The following XKR9 variants were observed in gnomAD, a reference collection of about 807,000 sequenced individuals.
XKR9 encodes XK related 9.
A neutral mutation model predicts 32.0 loss-of-function variants in XKR9; 32 were observed. The observed-to-expected ratio is 1.00, with a 90% confidence interval of 0.76 to 1.34. XKR9 has a LOEUF of 1.34. Ranked by LOEUF, XKR9 falls within the 40% of genes most tolerant of loss-of-function variation. The pLI, the probability that XKR9 is intolerant of heterozygous loss-of-function variation, is 0.00. For synonymous variants in XKR9, 168 were observed against 143.4 expected, an observed-to-expected ratio of 1.17 and a Z score of -1.22; for missense variants, 546 against 429.7, an observed-to-expected ratio of 1.27 and a Z score of -2.39.
At chr8:71,034,538 C>T in the XKR9 span, among the ~76,000 whole-genome samples, 1 of 152,180 alleles carries the variant, frequency 6.6e-6, no homozygotes, top group Non-Finnish European at 1.5e-5. Context: ...GCTTGGAGTC[C>T]TGAATTGTCA....
At chr8:70,998,494 G>T in the XKR9 span, among the ~76,000 whole-genome samples, 1 of 152,192 alleles carries the variant, frequency 6.6e-6, no homozygotes, top group African/African-American at 2.4e-5. Context: ...GTACTTCCCT[G>T]CAGAGCTTAA....
chr8:70,732,129 T>A (rs1174893741), intron 4 of XKR9, among the ~76,000 whole-genome samples: 3 of 151,894 alleles, frequency 2.0e-5, no homozygotes, highest in Non-Finnish European at 2.9e-5. Context: ...TGAACTGAGA[T>A]AGACACCCCA....
the XKR9 span, among the ~76,000 whole-genome samples, chr8:70,852,002 C>A: frequency 6.6e-6 from 1 of 152,164 alleles, no homozygotes; most frequent in African/African-American, 2.4e-5. Context: ...AGGCAATCTA[C>A]AGAATGTGGG....
chr8:70,905,109 T>C, the XKR9 span, among the ~76,000 whole-genome samples: 153 of 152,304 alleles, frequency 1.0e-3, 1 homozygote, highest in African/African-American at 3.4e-3. Context: ...TTGGAGTTGC[T>C]CTTCTGGAGG....
Position 70,781,422 on chromosome 8 carries a change from G to T in XKR9, n.353-7917G>T, listed in dbSNP as rs139395254. On this transcript the variant is annotated intron_variant and non_coding_transcript_variant, in intron 2 of 3. Transcript: ENST00000520273. ...TATTTTTAGTTGACATGTAATAATT[G>T]TATATATTTATGGGATACAGGGTGA... is the stretch of plus-strand genomic sequence containing the variant. Among the ~76,000 whole-genome samples, 89 of 150,998 alleles carry T rather than the reference G, an allele frequency of 5.9e-4. No homozygotes were observed. In the East Asian group the frequency reaches 0.016, roughly 27 times the overall value.
the XKR9 span, among the ~76,000 whole-genome samples, chr8:70,826,925 A>C: frequency 2.6e-5 from 4 of 152,160 alleles, no homozygotes; most frequent in Admixed American, 2.6e-4. Flanking sequence ...ATTTTTTAAA[A>C]AAGGTTAACA....
chr8:70,925,399 T>A, the XKR9 span, among the ~76,000 whole-genome samples: 4,384 of 152,152 alleles, frequency 0.029, 183 homozygotes, highest in African/African-American at 0.1. Context: ...GAGGGATCAG[T>A]TTTTTCATGT....
chr8:70,859,202 A>G, the XKR9 span, among the ~76,000 whole-genome samples: 3 of 152,118 alleles, frequency 2.0e-5, no homozygotes, highest in Non-Finnish European at 4.4e-5. Context: ...ATCTAAATAG[A>G]TATTTCTCAA....
chr8:70,765,341 C>A (rs973511614), intron 2 of XKR9, among the ~76,000 whole-genome samples: 2 of 152,142 alleles, frequency 1.3e-5, no homozygotes, highest in Admixed American at 1.3e-4. Context: ...CTCTAATGAC[C>A]AGTGATGATG....
In XKR9 at chr8:70,735,459, A is replaced by ATATTAT. The variant is rs529418703; in HGVS notation, c.*1051_*1056dup. ...TATTTATTTTTAATTTTTTAATTTT[A>ATATTAT]TATTATTATTATTATTATTATACTT... is the stretch of plus-strand genomic sequence containing the variant. On this transcript the variant is annotated 3_prime_UTR_variant, in exon 5 of 5. Transcript: ENST00000408926. 12 of 149,174 alleles carry ATATTAT rather than the reference A, an allele frequency of 8.0e-5. No homozygotes were observed. Among genetic ancestry groups the ATATTAT allele is most frequent in the African/African-American group, 2.9e-4 (12 of 40,848 alleles). 9.2% of individuals were successfully genotyped at this position (149,174 alleles called of 1,614,324 possible).
intron 2 of XKR9, among the ~76,000 whole-genome samples, chr8:70,780,052 G>A (rs1807593039): frequency 6.6e-6 from 1 of 151,810 alleles, no homozygotes; most frequent in African/African-American, 2.4e-5. Context: ...ATGTTAGGGT[G>A]TGGATTTTAG....
the XKR9 span, among the ~76,000 whole-genome samples, chr8:70,939,500 A>C: frequency 1.3e-5 from 2 of 152,208 alleles, no homozygotes; most frequent in East Asian, 3.9e-4. Context: ...AACGATTTGG[A>C]TTGAATTCTA....
the XKR9 span, among the ~76,000 whole-genome samples, chr8:71,043,147 G>A: frequency 6.6e-6 from 1 of 152,154 alleles, no homozygotes; most frequent in Non-Finnish European, 1.5e-5. Context: ...GTCAAATTGG[G>A]CTTACTCATG....
intron 2 of XKR9, among the ~76,000 whole-genome samples, chr8:70,749,136 A>C (rs1358713136): frequency 1.3e-5 from 2 of 152,196 alleles, no homozygotes; most frequent in Non-Finnish European, 2.9e-5. Context: ...GTCTCCTGAG[A>C]GTTGTTCTGT....
chr8:71,061,202 A>C, the XKR9 span, among the ~76,000 whole-genome samples: 24 of 152,332 alleles, frequency 1.6e-4, no homozygotes, highest in South Asian at 1.5e-3. Context: ...AAACCCAAGC[A>C]GACTGACTCT....
intron 3 of XKR9, among the ~76,000 whole-genome samples, chr8:70,705,284 G>C (rs575308517): frequency 1.3e-5 from 2 of 152,202 alleles, no homozygotes; most frequent in East Asian, 1.9e-4. Flanking sequence ...AACAAAGTCT[G>C]TCCTTTCATG....
chr8:70,736,686 G>A (rs1319716912), downstream of XKR9, among the ~76,000 whole-genome samples: 3 of 151,970 alleles, frequency 2.0e-5, no homozygotes, highest in African/African-American at 7.3e-5. Flanking sequence ...TTCTACATAT[G>A]GCTAGCCAGT....
At chr8:70,762,988 G>A (rs919206838) in intron 2 of XKR9, among the ~76,000 whole-genome samples, 4 of 152,106 alleles carry the variant, frequency 2.6e-5, no homozygotes, top group Non-Finnish European at 5.9e-5. Context: ...GGTAAAGGAA[G>A]GTTGATCTAA....
chr8:70,969,249 T>C, the XKR9 span, among the ~76,000 whole-genome samples: 1 of 152,214 alleles, frequency 6.6e-6, no homozygotes, highest in African/African-American at 2.4e-5. Context: ...GCTAGTAATT[T>C]ATATATCCTT....
Sources: allele counts gnomAD v4.1 joint callset (sites outside exome capture counted in the v4.1 genomes callset), GRCh38; gene constraint gnomAD v4.1.1; transcripts MANE v1.5; gene names NCBI Gene and HGNC (gene_info 2026-07-23, HGNC 2026-07-21).